CTNNA2: variants seen among roughly 807,000 people sequenced by gnomAD.
The protein encoded by CTNNA2 is catenin alpha 2.
In CTNNA2, 42 loss-of-function variants were observed where a neutral mutation model predicts 101.0. The ratio of observed to expected loss-of-function variants is 0.42; its 90% CI spans 0.32 to 0.54. CTNNA2 has a LOEUF of 0.54. Among genes scored for constraint, CTNNA2 ranks in the 20% least tolerant of loss-of-function variants. The probability of loss-of-function intolerance (pLI) is 0.14; values close to 1 mark genes in which losing one functional copy is unlikely to be tolerated. For missense variants in CTNNA2, 871 were observed against 1,223.1 expected (o/e 0.71, Z 4.29); for synonymous variants, 450 against 456.4 (o/e 0.99, Z 0.18).
intron 4 of CTNNA2, among the ~76,000 whole-genome samples, chr2:79,378,719 T>G (rs1490244242): frequency 6.6e-6 from 1 of 152,156 alleles, no homozygotes; most frequent in African/African-American, 2.4e-5. Context: ...CATGAGGTGC[T>G]TACATGAAGC....
At chr2:79,290,637 A>G (rs1675777051) in intron 2 of CTNNA2, among the ~76,000 whole-genome samples, 2 of 152,144 alleles carry the variant, frequency 1.3e-5, no homozygotes, top group South Asian at 4.2e-4. Context: ...CTAGTTTAAG[A>G]GTACACCAAC....
At chr2:79,408,701 G>A (rs987321043) in intron 4 of CTNNA2, among the ~76,000 whole-genome samples, 3 of 151,946 alleles carry the variant, frequency 2.0e-5, no homozygotes, top group African/African-American at 4.8e-5. Flanking sequence ...GTCTATCACT[G>A]TTGGACATTT....
At chr2:79,895,137 T>C (rs925728903) in intron 6 of CTNNA2, among the ~76,000 whole-genome samples, 5 of 152,216 alleles carry the variant, frequency 3.3e-5, no homozygotes, top group African/African-American at 9.6e-5. Context: ...CGTTAACAGA[T>C]GTGCATCACA....
chr2:79,752,823 C>T (rs1672131593), intron 3 of CTNNA2, among the ~76,000 whole-genome samples: 1 of 151,708 alleles, frequency 6.6e-6, no homozygotes, highest in African/African-American at 2.4e-5. Context: ...TTGTTTCCAG[C>T]CCAAAAAAGA....
intron 7 of CTNNA2, among the ~76,000 whole-genome samples, chr2:80,095,832 G>C (rs1413687811): frequency 6.6e-6 from 1 of 152,060 alleles, no homozygotes; most frequent in Non-Finnish European, 1.5e-5. Flanking sequence ...TTGTATTTCT[G>C]TGGGATCGGT....
chr2:79,865,743 G>A (rs12623614), intron 4 of CTNNA2, among the ~76,000 whole-genome samples: 7,625 of 152,238 alleles, frequency 0.05, 584 homozygotes, highest in East Asian at 0.35. Flanking sequence ...ATTTTGAGAC[G>A]GAGTCTCGCA....
intron 1 of CTNNA2, among the ~76,000 whole-genome samples, chr2:79,632,171 A>G (rs1192048379): frequency 1.3e-5 from 2 of 152,158 alleles, no homozygotes; most frequent in African/African-American, 4.8e-5. Context: ...ATTAAAGCAG[A>G]AATTAAAATA....
chr2:79,326,050 GACTAAAC>G (rs1258022471), intron 3 of CTNNA2, among the ~76,000 whole-genome samples: 64 of 152,228 alleles, frequency 4.2e-4, no homozygotes, highest in Admixed American at 1.2e-3. Context: ...TTTTTGTAGA[GACTAAAC>G]ACAGGAACTT....
intron 2 of CTNNA2, among the ~76,000 whole-genome samples, chr2:79,209,457 A>T (rs1282256688): frequency 6.6e-6 from 1 of 152,188 alleles, no homozygotes; most frequent in Non-Finnish European, 1.5e-5. Flanking sequence ...CTTTCTCTTT[A>T]GAACTGGTTA....
At chr2:80,297,610 A>G (rs1675860674) in intron 7 of CTNNA2, among the ~76,000 whole-genome samples, 1 of 152,186 alleles carries the variant, frequency 6.6e-6, no homozygotes, top group Non-Finnish European at 1.5e-5. Context: ...CAGAAGTAAG[A>G]ATTTTGCCTC....
chr2:80,547,377 C>T (rs1460663147), intron 11 of CTNNA2, among the ~76,000 whole-genome samples: 1 of 152,130 alleles, frequency 6.6e-6, no homozygotes, highest in Non-Finnish European at 1.5e-5. Context: ...TTTAAGAAAA[C>T]TAAGTCATTG....
Position 79,523,002 on chromosome 2 carries a change from T to TC in CTNNA2, c.-6+9801dup, listed in dbSNP as rs1011442553. ...TCAGTGAACATTTGGTGAATTTCTTTCCCCCCGTGAGTATATCTGAGTTAT... is the reference window on the plus strand; with the variant it reads ...TCAGTGAACATTTGGTGAATTTCTTTCCCCCCCGTGAGTATATCTGAGTTAT... On this transcript the variant is annotated intron_variant, in intron 1 of 18. Coordinates refer to ENST00000402739, the MANE Select transcript of CTNNA2 (RefSeq NM_001282597.3). Among the ~76,000 whole-genome samples, 11 of 152,108 alleles carry TC rather than the reference T, an allele frequency of 7.2e-5. 1 individual carries two copies. Among genetic ancestry groups the TC allele is most frequent in the African/African-American group, 2.4e-4 (10 of 41,418 alleles).
At chr2:79,470,620 A>G (rs1404457283) in intron 4 of CTNNA2, among the ~76,000 whole-genome samples, 1 of 152,190 alleles carries the variant, frequency 6.6e-6, no homozygotes, top group Non-Finnish European at 1.5e-5. Flanking sequence ...GAAGTTTTTT[A>G]TAAAATTGAC....
chr2:79,192,706 A>G (rs777255218), intron 1 of CTNNA2, among the ~76,000 whole-genome samples: 39 of 152,308 alleles, frequency 2.6e-4, no homozygotes, highest in Non-Finnish European at 5.4e-4. Flanking sequence ...TTGATGAATG[A>G]CAGATGCTGT....
chr2:80,007,253 A>C (rs1693438105), intron 7 of CTNNA2, among the ~76,000 whole-genome samples: 1 of 152,166 alleles, frequency 6.6e-6, no homozygotes, highest in Non-Finnish European at 1.5e-5. Context: ...AGTCTAACAT[A>C]ATCAATTTTC....
intron 7 of CTNNA2, among the ~76,000 whole-genome samples, chr2:80,115,836 AG>A (rs1385886956): frequency 6.6e-6 from 1 of 152,090 alleles, no homozygotes; most frequent in African/African-American, 2.4e-5. Context: ...TTAAGGAAGG[AG>A]TTCTGAAACC....
intron 7 of CTNNA2, among the ~76,000 whole-genome samples, chr2:80,277,555 A>AAAAAG (rs1187523926): frequency 6.8e-6 from 1 of 147,868 alleles, no homozygotes; most frequent in Non-Finnish European, 1.5e-5. Context: ...GGATTTCTGA[A>AAAAAG]AAAAAAAAAA....
chr2:80,182,199 C>G (rs1275362881), intron 7 of CTNNA2, among the ~76,000 whole-genome samples: 1 of 152,116 alleles, frequency 6.6e-6, no homozygotes, highest in Non-Finnish European at 1.5e-5. Flanking sequence ...TAACCAAAGC[C>G]CAAGAGCCCC....
chr2:80,181,322 T>TG lies in CTNNA2; in HGVS notation c.1057-211884dup, dbSNP rs570718481. Among the ~76,000 whole-genome samples the TG allele has an allele frequency of 2.9e-4, 44 of 152,188 alleles. No individual in the cohort carries two copies. In the East Asian group the frequency reaches 7.4e-3, roughly 25 times the overall value. On this transcript the variant is annotated intron_variant, in intron 7 of 18. Transcript: ENST00000402739. Reference sequence around the variant, plus strand: ...GTGGGGAAGGAGATGTTGCCACCACTGGGGGTGGGAAGGCTGTTTCCTCTG... The same window carrying TG: ...GTGGGGAAGGAGATGTTGCCACCACTGGGGGGTGGGAAGGCTGTTTCCTCTG...
Sources: allele counts gnomAD v4.1 joint callset (sites outside exome capture counted in the v4.1 genomes callset), GRCh38; gene constraint gnomAD v4.1.1; transcripts MANE v1.5; gene names NCBI Gene and HGNC (gene_info 2026-07-23, HGNC 2026-07-21).